The following CATSPERD variants were observed in gnomAD, a reference collection of about 807,000 sequenced individuals.
The protein encoded by CATSPERD is cation channel sperm-associated auxiliary subunit delta.
CATSPERD carries 86 observed loss-of-function variants against 98.1 expected under a neutral mutation model. The ratio of observed to expected loss-of-function variants is 0.88; its 90% confidence interval spans 0.74 to 1.05. The LOEUF (loss-of-function observed/expected upper bound fraction) is 1.05. CATSPERD is among the 50% of genes least tolerant of loss of function. The pLI is 0.00. For synonymous variants in CATSPERD, 394 were observed against 390.2 expected, an observed-to-expected ratio of 1.01 and a Z score of -0.12; for missense variants, 995 against 1,005.7, an observed-to-expected ratio of 0.99 and a Z score of 0.14.
Position 5,733,894 on chromosome 19 carries a change from T to A in CATSPERD, c.315T>A (p.Gly105=), listed in dbSNP as rs1309625365. The change falls in exon 5 of 22, where the codon GGT becomes GGA. Residue 105 remains glycine, a synonymous_variant. Transcript: ENST00000381624. ...AAGTGACATCAGCACATTTTGCTGG[T>A]TCGTTATTGCTGTTAGTAGTGGATC... ...VPEVTSAHFA[G]SLLLLVVDQK... 1.2e-6 allele frequency: 2 copies of A among 1,612,942 alleles called. No individual in the cohort carries two copies. The highest frequency in any genetic ancestry group is 1.7e-6 in the Non-Finnish European group (2 of 1,179,774).
In CATSPERD at chr19:5,749,131, A is replaced by G. The variant is rs1199642664; in HGVS notation, c.935A>G (p.Glu312Gly). ...TENELAVITR[E>G]DNLYYGNLGI... ...AATGAACTGGCAGTTATAACTCGGGAGGATAATTTGTATTATGGCAATCTG... is the reference window on the plus strand; with the variant it reads ...AATGAACTGGCAGTTATAACTCGGGGGGATAATTTGTATTATGGCAATCTG... The change falls in exon 11 of 22, where the codon GAG becomes GGG. Residue 312 changes from glutamate to glycine, a missense_variant. Coordinates refer to ENST00000381624, the MANE Select transcript of CATSPERD (RefSeq NM_152784.4). 4.2e-5 allele frequency: 68 copies of G among 1,612,360 alleles called. No homozygotes were observed. Among genetic ancestry groups the G allele is most frequent in the Non-Finnish European group, 5.7e-5 (67 of 1,179,364 alleles).
chr19:5,755,440 G>C (rs1163691929), intron 13 of CATSPERD, among the ~76,000 whole-genome samples: 1 of 152,020 alleles, frequency 6.6e-6, no homozygotes, highest in Non-Finnish European at 1.5e-5. Flanking sequence ...TACTGATACA[G>C]CCTTTCTGTT....
intron 9 of CATSPERD, among the ~76,000 whole-genome samples, chr19:5,746,737 C>A (rs1042956131): frequency 1.3e-5 from 2 of 151,898 alleles, no homozygotes; most frequent in Non-Finnish European, 2.9e-5. Flanking sequence ...CCAGCCATTT[C>A]TTTAACATGT....
intron 15 of CATSPERD, among the ~76,000 whole-genome samples, chr19:5,762,961 GTGGA>G (rs1235586654): frequency 6.8e-6 from 1 of 147,676 alleles, no homozygotes. Context: ...AGATGGATGA[GTGGA>G]TGGATGGATG....
At chr19:5,729,749 T>G (rs1442915156) in intron 3 of CATSPERD, 123 bp from the exon 4 acceptor site, 1 of 592,006 alleles carries the variant, frequency 1.7e-6, no homozygotes, top group Non-Finnish European at 3.0e-6. Flanking sequence ...AAATTATATC[T>G]AAATGACTCC....
chr19:5,770,076 G>A (rs377046904), intron 18 of CATSPERD, among the ~76,000 whole-genome samples: 1,487 of 132,926 alleles, frequency 0.011, 31 homozygotes, highest in African/African-American at 0.041. Flanking sequence ...GCAACAGAGC[G>A]AGACTCTGTC....
At chr19:5,743,749 GC>G (rs2056043054) in intron 7 of CATSPERD, among the ~76,000 whole-genome samples, 2 of 150,238 alleles carry the variant, frequency 1.3e-5, no homozygotes, top group Non-Finnish European at 3.0e-5. Context: ...GTGGGAGGTA[GC>G]CAGCTGGGCT....
chr19:5,742,323 C>A (rs150825977), intron 7 of CATSPERD, among the ~76,000 whole-genome samples: 1 of 126,302 alleles, frequency 7.9e-6, no homozygotes, highest in African/African-American at 2.8e-5. Context: ...TGTGGGTGTG[C>A]GTGTGCATGT....
At position 5,772,908 on chromosome 19, in the gene CATSPERD, G is replaced by T. The variant is rs745659330; in HGVS notation, c.1884G>T (p.Pro628=). The T allele has an allele frequency of 6.2e-7, 1 of 1,614,052 alleles. No homozygotes were observed. Reference sequence around the variant, plus strand: ...AGTCGGCCATGTGTACCTCCCAGCCGCAGAACTGGACCACCATGATAAAGG... The same window carrying T: ...AGTCGGCCATGTGTACCTCCCAGCCTCAGAACTGGACCACCATGATAAAGG... ...TAQSAMCTSQ[P]QNWTTMIKEF... The change falls in exon 20 of 22, where the codon CCG becomes CCT. Residue 628 remains proline, a synonymous_variant. Transcript: ENST00000381624.
chr19:5,741,800 G>GT (rs1423864258), intron 7 of CATSPERD, among the ~76,000 whole-genome samples: 7 of 75,796 alleles, frequency 9.2e-5, no homozygotes, highest in Non-Finnish European at 2.3e-4. Flanking sequence ...GGGGGGGGGT[G>GT]GTGTGGATCA....
intron 9 of CATSPERD, among the ~76,000 whole-genome samples, chr19:5,747,169 C>CTTTTT (rs748726369): frequency 9.5e-6 from 1 of 105,774 alleles, no homozygotes; most frequent in Non-Finnish European, 1.9e-5. Flanking sequence ...AATGGTTTCC[C>CTTTTT]TTTTTTTTTT....
intron 1 of CATSPERD, among the ~76,000 whole-genome samples, chr19:5,721,481 G>T (rs1044171068): frequency 1.3e-5 from 2 of 152,094 alleles, no homozygotes; most frequent in African/African-American, 4.8e-5. Context: ...TAAATGTTAG[G>T]TTAGTGCATA....
chr19:5,760,595 G>T (rs2056416297), intron 15 of CATSPERD, among the ~76,000 whole-genome samples: 1 of 151,794 alleles, frequency 6.6e-6, no homozygotes, highest in African/African-American at 2.4e-5. Flanking sequence ...CTGGGGAGGG[G>T]GATGGGGAGT....
intron 2 of CATSPERD, among the ~76,000 whole-genome samples, chr19:5,726,016 A>G (rs2055597524): frequency 6.6e-6 from 1 of 152,162 alleles, no homozygotes; most frequent in Non-Finnish European, 1.5e-5. Flanking sequence ...AACAAATAGT[A>G]ACATGAATAG....
chr19:5,751,728 C>A lies in CATSPERD; in HGVS notation c.1069C>A (p.Arg357Ser), dbSNP rs766938408. ...PGTLEILTPL[R>S]DTAFPAFDFQ... ...GACTCTGGAAATACTGACCCCACTGCGTGACACAGCCTTTCCAGCTTTTGA... is the reference window on the plus strand; with the variant it reads ...GACTCTGGAAATACTGACCCCACTGAGTGACACAGCCTTTCCAGCTTTTGA... Residue 357 changes from arginine to serine, a missense_variant, in exon 12 of 22, where the codon CGT becomes AGT. Coordinates refer to ENST00000381624, the MANE Select transcript of CATSPERD (RefSeq NM_152784.4). 2 of 1,613,876 alleles carry A rather than the reference C, an allele frequency of 1.2e-6. No individual in the cohort carries two copies. The highest frequency in any genetic ancestry group is 1.7e-6 in the Non-Finnish European group (2 of 1,179,946).
At chr19:5,746,814 T>TC (rs2056103747) in intron 9 of CATSPERD, among the ~76,000 whole-genome samples, 1 of 151,350 alleles carries the variant, frequency 6.6e-6, no homozygotes, top group Admixed American at 6.6e-5. Context: ...TGTTTTTCTT[T>TC]TTTTTTTGGA....
intron 2 of CATSPERD, among the ~76,000 whole-genome samples, chr19:5,726,192 G>T (rs2145677949): frequency 6.6e-6 from 1 of 151,426 alleles, no homozygotes; most frequent in East Asian, 2.0e-4. Context: ...CTCCCAAGTA[G>T]CTGGGATTAC....
intron 6 of CATSPERD, among the ~76,000 whole-genome samples, chr19:5,738,140 G>T (rs2055884325): frequency 1.3e-5 from 2 of 151,902 alleles, no homozygotes; most frequent in South Asian, 4.1e-4. Flanking sequence ...AGGCGTGGTG[G>T]TTCATGCCTG....
chr19:5,739,274 C>T (rs564702647), intron 6 of CATSPERD, 52 bp from the exon 7 acceptor site: 8 of 997,278 alleles, frequency 8.0e-6, no homozygotes, highest in Admixed American at 4.0e-5. Flanking sequence ...CGTTCAGGAA[C>T]GTACTTGCTG....
Sources: allele counts gnomAD v4.1 joint callset (sites outside exome capture counted in the v4.1 genomes callset), GRCh38; gene constraint gnomAD v4.1.1; transcripts MANE v1.5; gene names NCBI Gene and HGNC (gene_info 2026-07-23, HGNC 2026-07-21).